Variants in HADH observed in about 807,000 individuals in gnomAD.
HADH encodes the protein hydroxyacyl-coenzyme A dehydrogenase, mitochondrial.
In HADH, 24 loss-of-function variants were observed where a neutral mutation model predicts 32.2. The ratio of observed to expected loss-of-function variants is 0.75; its 90% CI spans 0.54 to 1.05. The LOEUF is 1.05. HADH is among the 50% of genes least tolerant of loss of function. The probability of loss-of-function intolerance (pLI) is 0.00; values close to 1 mark genes in which losing one functional copy is unlikely to be tolerated. For synonymous variants in HADH, 139 were observed against 152.5 expected (o/e 0.91, Z 0.65); for missense variants, 350 against 397.1 (o/e 0.88, Z 1.01).
At chr4:108,034,167 G>C in intron 7 of HADH, 72 bp from the exon 8 acceptor site, 1 of 1,059,946 alleles carries the variant, frequency 9.4e-7, no homozygotes, top group Non-Finnish European at 1.5e-6. Flanking sequence ...CTCCAGACTT[G>C]TCCTTGGAAA....
At chr4:108,022,773 T>A (rs113604249) in intron 4 of HADH, among the ~76,000 whole-genome samples, 1 of 152,172 alleles carries the variant, frequency 6.6e-6, no homozygotes, top group Non-Finnish European at 1.5e-5. Flanking sequence ...TTACTCCCAA[T>A]GTAATTTCAT....
At chr4:108,021,458 T>C (rs1735881607) in intron 4 of HADH, among the ~76,000 whole-genome samples, 1 of 152,244 alleles carries the variant, frequency 6.6e-6, no homozygotes, top group South Asian at 2.1e-4. Context: ...TTGCTGGTGG[T>C]GTACACCAAA....
chr4:107,999,983 A>G (rs1735072678), intron 1 of HADH, among the ~76,000 whole-genome samples: 1 of 152,238 alleles, frequency 6.6e-6, no homozygotes, highest in Non-Finnish European at 1.5e-5. Flanking sequence ...TAAAAGATAT[A>G]TGTATACATT....
At chr4:107,995,200 C>T (rs1286959432) in intron 1 of HADH, among the ~76,000 whole-genome samples, 2 of 152,138 alleles carry the variant, frequency 1.3e-5, no homozygotes, top group Non-Finnish European at 2.9e-5. Flanking sequence ...CTCAAAAGTA[C>T]AGGCTATGAG....
chr4:108,004,542 G>T, intron 1 of HADH: 1 of 851,014 alleles, frequency 1.2e-6, no homozygotes, highest in Non-Finnish European at 1.7e-6. Flanking sequence ...TGTTCTGTTT[G>T]TAGCCTCAAA....
chr4:108,014,647 AT>A, intron 3 of HADH, 59 bp downstream of exon 3: 1 of 1,459,606 alleles, frequency 6.9e-7, no homozygotes, highest in Non-Finnish European at 9.5e-7. Context: ...TTTGTTTTTC[AT>A]TTTTATTTTT....
rs777890650 is a variant in HADH, at chr4:107,989,891, TCCCTGCCCGGGTCTC to T, written c.-40_-26del. 3.1e-6 allele frequency: 5 copies of T among 1,604,506 alleles called. No homozygotes were observed. The highest frequency in any genetic ancestry group is 1.3e-5 in the African/African-American group (1 of 74,576). ...CCGCGGCTGCCCGCCTCGCGCGTCT[TCCCTGCCCGGGTCTC>T]CTCGCTGTCGCCGCCGCTGCCACAC... On this transcript the variant is annotated 5_prime_UTR_variant, in exon 1 of 8. Transcript: ENST00000309522.
chr4:108,026,445 C>CTA (rs2126236251), intron 5 of HADH: 1 of 152,312 alleles, frequency 6.6e-6, no homozygotes, highest in Admixed American at 6.5e-5. Context: ...CTCAGGTACC[C>CTA]TATCTTGAGT....
chr4:108,011,127 G>A (rs528284155), intron 2 of HADH, among the ~76,000 whole-genome samples: 131 of 152,224 alleles, frequency 8.6e-4, no homozygotes, highest in African/African-American at 2.9e-3. Context: ...GATTACAGGT[G>A]TGAGCCACCA....
intron 1 of HADH, among the ~76,000 whole-genome samples, chr4:107,998,894 G>A (rs887422832): frequency 1.3e-5 from 2 of 152,144 alleles, no homozygotes; most frequent in African/African-American, 4.8e-5. Context: ...TCTTCAATAT[G>A]CATTCTTATG....
intron 1 of HADH, among the ~76,000 whole-genome samples, chr4:108,007,095 TTTTGTTTG>T (rs375918237): frequency 2.0e-5 from 3 of 151,924 alleles, no homozygotes; most frequent in Admixed American, 6.6e-5. Flanking sequence ...AGGCTTAAGT[TTTTGTTTG>T]TTTGTTTGTT....
At chr4:108,021,223 A>G (rs776848262) in intron 4 of HADH, among the ~76,000 whole-genome samples, 1 of 152,240 alleles carries the variant, frequency 6.6e-6, no homozygotes, top group African/African-American at 2.4e-5. Flanking sequence ...TTTAGTTATT[A>G]TATTGTATAT....
intron 4 of HADH, 90 bp from the exon 5 acceptor site, chr4:108,023,384 A>G (rs1014901713): frequency 1.5e-5 from 12 of 801,472 alleles, no homozygotes; most frequent in African/African-American, 3.4e-5. Context: ...TGTTGCCTAT[A>G]TGGAGCCTTT....
intron 1 of HADH, among the ~76,000 whole-genome samples, chr4:107,990,511 T>C (rs1278410982): frequency 6.6e-6 from 1 of 152,224 alleles, no homozygotes; most frequent in African/African-American, 2.4e-5. Flanking sequence ...TATTCTGTAA[T>C]TGTGCAGTCT....
At chr4:108,019,103 T>C (rs917830557) in intron 3 of HADH, among the ~76,000 whole-genome samples, 6 of 152,336 alleles carry the variant, frequency 3.9e-5, no homozygotes, top group African/African-American at 1.4e-4. Flanking sequence ...AGGATTTATG[T>C]GTTCATTTAG....
chr4:108,026,123 C>A (rs918730714), intron 5 of HADH: 4 of 152,024 alleles, frequency 2.6e-5, no homozygotes, highest in African/African-American at 9.7e-5. Flanking sequence ...CTCACTGCAA[C>A]CTCCATCTCC....
chr4:107,990,037 C>T lies in HADH; in HGVS notation c.105C>T (p.Gly35=), dbSNP rs1434742133. ...IIVKHVTVIG[G]GLMGAGIAQV... ...TCAAGCACGTGACGGTCATCGGCGG[C>T]GGGCTGATGGGCGCCGGCATTGCCC... The change falls in exon 1 of 8, where the codon GGC becomes GGT. Residue 35 remains glycine (G), a synonymous_variant. Coordinates refer to ENST00000309522, the MANE Select transcript of HADH (RefSeq NM_005327.7). 1 of 1,610,948 alleles carries T rather than the reference C, an allele frequency of 6.2e-7. No individual in the cohort carries two copies. Among genetic ancestry groups the T allele is most frequent in the East Asian group, 2.2e-5 (1 of 44,782 alleles).
chr4:108,034,229 C>G lies in HADH; in HGVS notation c.827-10C>G. On this transcript the variant is annotated splice_polypyrimidine_tract_variant and intron_variant, in intron 7 of 7. Coordinates refer to ENST00000309522, the MANE Select transcript of HADH (RefSeq NM_005327.7). ...ACTTCATCCTGAGTTCTCTTCCCTC[C>G]GCTCAATAGGGTGGCATGAAATGGA... is the stretch of plus-strand genomic sequence containing the variant. 1 of 1,541,232 alleles carries G rather than the reference C, an allele frequency of 6.5e-7. No individual in the cohort carries two copies. The highest frequency in any genetic ancestry group is 9.0e-7 in the Non-Finnish European group (1 of 1,113,532).
chr4:108,028,622 A>C, intron 6 of HADH: 1 of 377,444 alleles, frequency 2.6e-6, no homozygotes. Flanking sequence ...GGTTTATGGA[A>C]GCAATTGCCT....
Sources: gnomAD v4.1 joint callset for allele counts (sites outside exome capture counted in the v4.1 genomes callset) on GRCh38, gnomAD v4.1.1 for gene constraint, MANE v1.5 for transcripts, NCBI Gene and HGNC (gene_info 2026-07-23, HGNC 2026-07-21) for gene names.